Variants in ABLIM1 observed in about 807,000 individuals in gnomAD.
ABLIM1 encodes the protein actin binding LIM protein 1.
In ABLIM1, 40 loss-of-function variants were observed where a neutral mutation model predicts 107.0. That is an observed-to-expected ratio of 0.37 (90% CI 0.29 to 0.49). The LOEUF (loss-of-function observed/expected upper bound fraction) is 0.49, where lower values mean the gene tolerates loss of function less well. Among genes scored for constraint, ABLIM1 ranks in the 20% least tolerant of loss-of-function variants. The pLI, the probability that ABLIM1 is intolerant of heterozygous loss-of-function variation, is 0.97. For missense variants in ABLIM1, 857 were observed against 1,008.5 expected, an observed-to-expected ratio of 0.85 and a Z score of 2.04; for synonymous variants, 357 against 357.3, an observed-to-expected ratio of 1.00 and a Z score of 0.01.
At chr10:114,721,007 A>G (rs974061681) in intron 1 of ABLIM1, among the ~76,000 whole-genome samples, 1 of 152,262 alleles carries the variant, frequency 6.6e-6, no homozygotes, top group Non-Finnish European at 1.5e-5. Context: ...AGCCAGGGTC[A>G]GCACACCTGG....
chr10:114,613,687 G>A (rs560554753), intron 1 of ABLIM1: 2 of 1,325,688 alleles, frequency 1.5e-6, no homozygotes, highest in South Asian at 1.2e-5. Flanking sequence ...CACACCCACT[G>A]GGAGATGAAA....
At chr10:114,662,475 A>C (rs2079835874), upstream of ABLIM1, among the ~76,000 whole-genome samples, 2 of 152,094 alleles carry the variant, frequency 1.3e-5, no homozygotes, top group South Asian at 4.1e-4. Context: ...CCTAAAGTTC[A>C]GTCCTTCTGC....
intron 4 of ABLIM1, among the ~76,000 whole-genome samples, chr10:114,556,557 G>C (rs1731575625): frequency 6.6e-6 from 1 of 152,210 alleles, no homozygotes; most frequent in African/African-American, 2.4e-5. Flanking sequence ...AAAAAACCCA[G>C]ACTTTCCTTA....
intron 1 of ABLIM1, among the ~76,000 whole-genome samples, chr10:114,642,862 A>G (rs1436050274): frequency 1.3e-5 from 2 of 152,252 alleles, no homozygotes; most frequent in Non-Finnish European, 2.9e-5. Context: ...AGCAACACTG[A>G]TACTTAGAAG....
At chr10:114,800,109 T>C in the ABLIM1 span, among the ~76,000 whole-genome samples, 3 of 152,122 alleles carry the variant, frequency 2.0e-5, no homozygotes, top group Non-Finnish European at 4.4e-5. Context: ...AAAAATTGAG[T>C]GTGTTTGTTC....
At chr10:114,523,972 T>A (rs953297642) in intron 6 of ABLIM1, among the ~76,000 whole-genome samples, 1 of 152,238 alleles carries the variant, frequency 6.6e-6, no homozygotes, top group East Asian at 1.9e-4. Flanking sequence ...ATGGTGTGTG[T>A]CACATTGGTA....
chr10:114,585,724 G>T (rs2074112532), intron 2 of ABLIM1, among the ~76,000 whole-genome samples: 1 of 152,104 alleles, frequency 6.6e-6, no homozygotes, highest in Non-Finnish European at 1.5e-5. Context: ...CTATGGTGAT[G>T]CCAACTTCAC....
chr10:114,574,525 C>T (rs567406719), intron 3 of ABLIM1, among the ~76,000 whole-genome samples: 35 of 152,114 alleles, frequency 2.3e-4, no homozygotes, highest in Admixed American at 1.3e-3. Flanking sequence ...CTGCAACCTC[C>T]GCCTCCCGGG....
intron 4 of ABLIM1, among the ~76,000 whole-genome samples, chr10:114,551,360 A>T (rs934540361): frequency 1.3e-5 from 2 of 152,248 alleles, no homozygotes; most frequent in African/African-American, 2.4e-5. Flanking sequence ...CTGTTAGGGG[A>T]TAGAAAGTCT....
chr10:114,784,559 C>T, the ABLIM1 span, among the ~76,000 whole-genome samples: 402 of 146,998 alleles, frequency 2.7e-3, 2 homozygotes, highest in African/African-American at 9.6e-3. Flanking sequence ...CCCAGCTATT[C>T]GGGAGGCTGA....
chr10:114,637,610 A>G (rs2078544536), intron 1 of ABLIM1, among the ~76,000 whole-genome samples: 1 of 152,234 alleles, frequency 6.6e-6, no homozygotes, highest in Non-Finnish European at 1.5e-5. Flanking sequence ...GACCCAAGCA[A>G]TAGGTTGCAC....
At chr10:114,565,834 G>A (rs971003847) in intron 4 of ABLIM1, among the ~76,000 whole-genome samples, 10 of 120,166 alleles carry the variant, frequency 8.3e-5, no homozygotes, top group Admixed American at 6.3e-4. Flanking sequence ...TCGATCTGTC[G>A]CCCAGGCTGG....
At chr10:114,690,324 T>C in intron 1 of ABLIM1, 1 of 1,600,124 alleles carries the variant, frequency 6.2e-7, no homozygotes. Context: ...ACCGTTTGTG[T>C]TGGGTCCAGC....
chr10:114,761,437 C>T (rs991111816), intron 1 of ABLIM1, among the ~76,000 whole-genome samples: 3 of 152,130 alleles, frequency 2.0e-5, no homozygotes, highest in Non-Finnish European at 2.9e-5. Context: ...CCCAGGCTCT[C>T]GGCTCAGTCT....
At chr10:114,779,676 T>C in the ABLIM1 span, 1 of 152,248 alleles carries the variant, frequency 6.6e-6, no homozygotes, top group Non-Finnish European at 1.5e-5. Context: ...TTCATATCGA[T>C]GCATATTGAT....
chr10:114,709,480 T>G (rs148077800), intron 1 of ABLIM1, among the ~76,000 whole-genome samples: 193 of 152,344 alleles, frequency 1.3e-3, no homozygotes, highest in African/African-American at 4.5e-3. Flanking sequence ...CCATATACAT[T>G]TTTAATGGCC....
chr10:114,788,774 C>T, the ABLIM1 span, among the ~76,000 whole-genome samples: 1 of 151,868 alleles, frequency 6.6e-6, no homozygotes, highest in Non-Finnish European at 1.5e-5. Context: ...ACCTCATAGG[C>T]TTGCCAGATA....
intron 6 of ABLIM1, among the ~76,000 whole-genome samples, chr10:114,523,315 C>T (rs987810992): frequency 6.6e-6 from 1 of 152,120 alleles, no homozygotes; most frequent in Non-Finnish European, 1.5e-5. Context: ...ATCTGCACCC[C>T]CCTTGCCCTG....
intron 1 of ABLIM1, among the ~76,000 whole-genome samples, chr10:114,722,804 G>T (rs1481118703): frequency 1.3e-5 from 2 of 152,224 alleles, no homozygotes; most frequent in Non-Finnish European, 2.9e-5. Context: ...CCCAGTACCT[G>T]GATAGTTCTT....
Sources: gnomAD v4.1 joint callset for allele counts (sites outside exome capture counted in the v4.1 genomes callset) on GRCh38, gnomAD v4.1.1 for gene constraint, MANE v1.5 for transcripts, NCBI Gene and HGNC (gene_info 2026-07-23, HGNC 2026-07-21) for gene names.